The following SHANK2 variants were observed in gnomAD, a reference collection of about 807,000 sequenced individuals.
The protein encoded by SHANK2 is SH3 and multiple ankyrin repeat domains 2, also known as SH3 and multiple ankyrin repeat domains protein 2.
In SHANK2, 43 loss-of-function variants were observed where a neutral mutation model predicts 133.7. The ratio of observed to expected loss-of-function variants is 0.32; its 90% confidence interval spans 0.25 to 0.41. The LOEUF is 0.41. Among genes scored for constraint, SHANK2 ranks in the 10% least tolerant of loss-of-function variants. The pLI is 1.00. For missense variants in SHANK2, 1,994 were observed against 2,235.8 expected (o/e 0.89, Z 2.18); for synonymous variants, 1,017 against 952.8 (o/e 1.07, Z -1.24).
In SHANK2 at chr11:70,472,468, G is replaced by A. The variant is rs781798749; in HGVS notation, c.*401C>T. The stretch of plus-strand genomic sequence containing the variant: ...GGGCCTGGGGTGGTGAGAGCTGCCC[G>A]GAAAGCAGAGGACGGAGGTCTCAGG... On this transcript the variant is annotated 3_prime_UTR_variant, in exon 26 of 26. Transcript: ENST00000601538. The surrounding 1 kb of genome is among the most constrained non-coding windows in gnomAD (Gnocchi z 4.4). 5.8e-5 allele frequency: 16 copies of A among 273,686 alleles called. No homozygotes were observed. The highest frequency in any genetic ancestry group is 9.9e-5 in the Admixed American group (2 of 20,144). 17.0% of individuals were successfully genotyped at this position (273,686 alleles called of 1,614,324 possible).
intron 17 of SHANK2, among the ~76,000 whole-genome samples, chr11:70,559,316 G>T (rs782373760): frequency 6.6e-6 from 1 of 152,140 alleles, no homozygotes; most frequent in Non-Finnish European, 1.5e-5. Flanking sequence ...CATCACACCC[G>T]GCCCATAGAC....
chr11:70,658,778 T>G (rs574046510), intron 17 of SHANK2, among the ~76,000 whole-genome samples: 1 of 152,326 alleles, frequency 6.6e-6, no homozygotes, highest in African/African-American at 2.4e-5. Context: ...GGTGGAGATG[T>G]GGGCTCCTCA....
intron 3 of SHANK2, among the ~76,000 whole-genome samples, chr11:71,128,090 C>T (rs566390203): frequency 1.1e-4 from 17 of 152,336 alleles, no homozygotes; most frequent in Admixed American, 5.2e-4. Flanking sequence ...GGAGCTGCTC[C>T]GACTGCCCAC....
intron 5 of SHANK2, 149 bp downstream of exon 5, chr11:71,113,144 A>G (rs1171970043): frequency 1.4e-6 from 1 of 733,566 alleles, no homozygotes; most frequent in Non-Finnish European, 2.3e-6. Context: ...CGTAAGGGCC[A>G]GTCTGCCTGT....
intron 6 of SHANK2, among the ~76,000 whole-genome samples, chr11:71,104,364 C>G (rs943055254): frequency 6.6e-6 from 1 of 152,166 alleles, no homozygotes; most frequent in East Asian, 1.9e-4. Context: ...ACACAGGGCC[C>G]CCCCCATCCT....
intron 15 of SHANK2, among the ~76,000 whole-genome samples, chr11:70,676,258 C>T (rs1365100311): frequency 1.3e-5 from 2 of 152,218 alleles, no homozygotes; most frequent in African/African-American, 4.8e-5. Flanking sequence ...CAGACACTTG[C>T]TATTGCAGCC....
At chr11:70,646,234 C>G (rs2061259184) in intron 17 of SHANK2, 1 of 152,194 alleles carries the variant, frequency 6.6e-6, no homozygotes, top group African/African-American at 2.4e-5. Flanking sequence ...GTTTCCCTTC[C>G]CAGCTAGAAA....
intron 17 of SHANK2, among the ~76,000 whole-genome samples, chr11:70,589,232 G>A (rs2060291416): frequency 1.3e-5 from 2 of 152,346 alleles, no homozygotes; most frequent in South Asian, 4.1e-4. Flanking sequence ...TGAGGGGCTA[G>A]TACAGCTGGT....
intron 8 of SHANK2, among the ~76,000 whole-genome samples, chr11:71,090,735 C>T (rs568719591): frequency 1.3e-5 from 2 of 152,070 alleles, no homozygotes; most frequent in South Asian, 2.1e-4. Context: ...AGAGCTTAGA[C>T]ACATAAAATT....
At chr11:70,779,198 C>T (rs567216399) in intron 14 of SHANK2, among the ~76,000 whole-genome samples, 1 of 151,874 alleles carries the variant, frequency 6.6e-6, no homozygotes, top group African/African-American at 2.4e-5. Flanking sequence ...GCGGCTGCTA[C>T]GAAACAGCAG....
intron 14 of SHANK2, among the ~76,000 whole-genome samples, chr11:70,711,378 G>A (rs1945779972): frequency 6.6e-6 from 1 of 152,266 alleles, no homozygotes; most frequent in Admixed American, 6.5e-5. Context: ...TAAATCAGAC[G>A]CCGCTCAGGC....
intron 15 of SHANK2, among the ~76,000 whole-genome samples, chr11:70,689,879 A>G (rs1308334343): frequency 2.0e-5 from 3 of 152,240 alleles, no homozygotes; most frequent in Admixed American, 2.0e-4. Context: ...ACAACAGAGG[A>G]CAAGTCAGCA....
At chr11:70,690,134 A>C (rs1945244638) in intron 15 of SHANK2, among the ~76,000 whole-genome samples, 1 of 152,230 alleles carries the variant, frequency 6.6e-6, no homozygotes, top group Non-Finnish European at 1.5e-5. Context: ...TCGTGTACTG[A>C]GAGCTGGAGT....
chr11:70,799,787 C>G (rs546018711), intron 13 of SHANK2, among the ~76,000 whole-genome samples: 59 of 152,328 alleles, frequency 3.9e-4, no homozygotes, highest in African/African-American at 1.3e-3. Flanking sequence ...GCATCCCTCC[C>G]CAGCCCATGT....
At chr11:70,482,571 T>G (rs2058749448) in intron 25 of SHANK2, among the ~76,000 whole-genome samples, 1 of 152,190 alleles carries the variant, frequency 6.6e-6, no homozygotes, top group South Asian at 2.1e-4. Context: ...CGCCCTGCCT[T>G]CTGCTTCCTT....
Position 70,693,615 on chromosome 11 carries a change from A to G in SHANK2, c.1853+5073T>C, listed in dbSNP as rs1333721393. Among the ~76,000 whole-genome samples, 5 of 152,238 alleles carry G rather than the reference A, an allele frequency of 3.3e-5. No individual in the cohort carries two copies. In the East Asian group the frequency reaches 9.6e-4, roughly 29 times the overall value. On this transcript the variant is annotated intron_variant, in intron 15 of 25. Transcript: ENST00000601538. ...GCTTCATTTGTTAACTTTATTGTGT[A>G]CCTTTACTAATTAGACTGTAATCTA...
intron 1 of SHANK2, among the ~76,000 whole-genome samples, chr11:71,247,232 G>A (rs1954972755): frequency 6.6e-6 from 1 of 152,212 alleles, no homozygotes; most frequent in Non-Finnish European, 1.5e-5. Context: ...ATCACAGTGG[G>A]TAAAGAGTCA....
At chr11:71,066,836 G>A (rs1345707389) in intron 9 of SHANK2, among the ~76,000 whole-genome samples, 3 of 152,174 alleles carry the variant, frequency 2.0e-5, no homozygotes, top group African/African-American at 7.2e-5. Flanking sequence ...CCCACCCCTT[G>A]AAGAGCTGTG....
chr11:70,493,753 C>G (rs1257210092), intron 21 of SHANK2, among the ~76,000 whole-genome samples: 1 of 152,128 alleles, frequency 6.6e-6, no homozygotes, highest in Non-Finnish European at 1.5e-5. Flanking sequence ...ACTGGCCTTA[C>G]TCCCTGGGGA....
Sources: gnomAD v4.1 joint callset for allele counts (sites outside exome capture counted in the v4.1 genomes callset) on GRCh38, gnomAD v4.1.1 for gene constraint, Gnocchi (gnomAD v3.1) non-coding constraint, MANE v1.5 for transcripts, NCBI Gene and HGNC (gene_info 2026-07-23, HGNC 2026-07-21) for gene names.